The following CLDN10 variants were observed in gnomAD, a reference collection of about 807,000 sequenced individuals.
CLDN10 encodes the protein claudin 10.
A neutral mutation model predicts 22.9 loss-of-function variants in CLDN10; 15 were observed. The ratio of observed to expected loss-of-function variants is 0.65; its 90% confidence interval spans 0.44 to 1.01. CLDN10 has a LOEUF of 1.01. Ranked by LOEUF, CLDN10 falls within the 50% of genes least tolerant of loss-of-function variation. The probability of loss-of-function intolerance (pLI) is 0.00; values close to 1 mark genes in which losing one functional copy is unlikely to be tolerated. For synonymous variants in CLDN10, 114 were observed against 111.4 expected, an observed-to-expected ratio of 1.02 and a Z score of -0.15; for missense variants, 247 against 287.8, an observed-to-expected ratio of 0.86 and a Z score of 1.03.
At chr13:95,500,948 C>T (rs1015267056) in intron 1 of CLDN10, among the ~76,000 whole-genome samples, 2 of 152,058 alleles carry the variant, frequency 1.3e-5, no homozygotes, top group Non-Finnish European at 2.9e-5. Context: ...GAGGGCGCGG[C>T]ATGTAAGGGA....
intron 1 of CLDN10, among the ~76,000 whole-genome samples, chr13:95,495,701 G>A (rs1169289126): frequency 2.9e-5 from 4 of 138,822 alleles, no homozygotes; most frequent in Non-Finnish European, 6.1e-5. Context: ...CCGAGATTGC[G>A]CCACTGCACT....
At position 95,446,855 on chromosome 13, in the gene CLDN10, A is replaced by C. The variant is rs1249768902; in HGVS notation, c.214+12808A>C. Among the ~76,000 whole-genome samples, 6 of 152,218 alleles carry C rather than the reference A, an allele frequency of 3.9e-5. No individual in the cohort carries two copies. The East Asian group carries it at 1.2e-3, about 29-fold the overall frequency. ...AGACTCTGTCTCAAAAAAAAAAAGA[A>C]TTAATATAATTAATATAAGAAACAC... On this transcript the variant is annotated intron_variant, in intron 1 of 4. Transcript: ENST00000376873.
At chr13:95,561,991 G>C (rs1455866360) in intron 3 of CLDN10, among the ~76,000 whole-genome samples, 1 of 150,640 alleles carries the variant, frequency 6.6e-6, no homozygotes, top group Non-Finnish European at 1.5e-5. Context: ...GTGCAGTGGT[G>C]CGATCTCGAC....
intron 1 of CLDN10, among the ~76,000 whole-genome samples, chr13:95,487,229 A>G (rs1419184048): frequency 6.6e-6 from 1 of 152,230 alleles, no homozygotes; most frequent in African/African-American, 2.4e-5. Context: ...AAGTTTCCCA[A>G]GAAGACTATC....
At chr13:95,491,636 A>C (rs769395721) in intron 1 of CLDN10, among the ~76,000 whole-genome samples, 3 of 151,986 alleles carry the variant, frequency 2.0e-5, no homozygotes, top group Non-Finnish European at 4.4e-5. Context: ...GATTAGCTTA[A>C]TAACTAACCT....
chr13:95,518,654 G>A (rs1384593098), intron 1 of CLDN10, among the ~76,000 whole-genome samples: 29 of 152,102 alleles, frequency 1.9e-4, no homozygotes, highest in Non-Finnish European at 8.8e-5. Flanking sequence ...AGCTATTCAG[G>A]AGGTTGAGAC....
chr13:95,534,151 G>C (rs1483508836), intron 1 of CLDN10, among the ~76,000 whole-genome samples: 1 of 152,104 alleles, frequency 6.6e-6, no homozygotes, highest in Non-Finnish European at 1.5e-5. Flanking sequence ...AAAAAGAATT[G>C]TATTTCCTTT....
rs1045820453 is a variant in CLDN10, at chr13:95,449,836, C to T, written c.214+15789C>T. ...TCCGCTCACTGCAAGCTCCGCCTCC[C>T]GGGTTCACGCCATTCCCCTGCCTCA... On this transcript the variant is annotated intron_variant, in intron 1 of 4. Transcript: ENST00000376873. 7.9e-5 allele frequency among the ~76,000 whole-genome samples: 12 copies of T among 151,970 alleles called. No individual in the cohort carries two copies. The South Asian group carries it at 8.3e-4, about 11-fold the overall frequency.
At chr13:95,469,968 C>G (rs2042614924) in intron 1 of CLDN10, among the ~76,000 whole-genome samples, 2 of 152,186 alleles carry the variant, frequency 1.3e-5, no homozygotes, top group African/African-American at 4.8e-5. Flanking sequence ...ATTTTTAAAA[C>G]AATACAACAG....
At chr13:95,537,191 G>T (rs1217144512) in intron 1 of CLDN10, among the ~76,000 whole-genome samples, 1 of 152,194 alleles carries the variant, frequency 6.6e-6, no homozygotes, top group Admixed American at 6.5e-5. Context: ...ATTTTAGGAT[G>T]TATTTCCATT....
intron 1 of CLDN10, among the ~76,000 whole-genome samples, chr13:95,510,484 T>C (rs962695135): frequency 1.1e-4 from 16 of 152,332 alleles, no homozygotes; most frequent in African/African-American, 3.8e-4. Context: ...CTGTTTGTTT[T>C]CTGTTTTCCC....
In CLDN10 at chr13:95,578,187, AATC is replaced by A. The variant is rs1048021850; in HGVS notation, c.*176_*178del. The A allele has an allele frequency of 7.1e-6, 3 of 421,794 alleles. No individual in the cohort carries two copies. The highest frequency in any genetic ancestry group is 3.3e-4 in the Middle Eastern group (1 of 3,076). 26.1% of individuals were successfully genotyped at this position (421,794 alleles called of 1,614,324 possible). On this transcript the variant is annotated 3_prime_UTR_variant, in exon 5 of 5. Coordinates refer to ENST00000299339, the MANE Select transcript of CLDN10 (RefSeq NM_006984.5). ...GTTCTTACATAGTTAGTTATATACT[AATC>A]ATTTTCTGTTGTGGCTTTCTATAAA...
At chr13:95,526,387 C>CCGT (rs1431139894) in intron 1 of CLDN10, among the ~76,000 whole-genome samples, 49 of 152,216 alleles carry the variant, frequency 3.2e-4, no homozygotes, top group Admixed American at 3.0e-3. Flanking sequence ...ACGGACTTGT[C>CCGT]CACTGAGAAG....
intron 1 of CLDN10, among the ~76,000 whole-genome samples, chr13:95,468,219 TTTTG>T (rs144985723): frequency 0.29 from 44,040 of 151,236 alleles, 7,696 homozygotes; most frequent in Non-Finnish European, 0.39. Context: ...TTCTTCCTGT[TTTTG>T]TTTGTTTGTT....
chr13:95,474,550 C>T (rs2139106381), intron 1 of CLDN10, among the ~76,000 whole-genome samples: 1 of 152,300 alleles, frequency 6.6e-6, no homozygotes, highest in African/African-American at 2.4e-5. Context: ...GAAATAGGCC[C>T]ACCTCAGTCA....
chr13:95,452,998 C>A (rs182736023), intron 1 of CLDN10, among the ~76,000 whole-genome samples: 1 of 152,308 alleles, frequency 6.6e-6, no homozygotes, highest in Admixed American at 6.5e-5. Context: ...TTATTATTAA[C>A]TTCAATGTAC....
intron 1 of CLDN10, among the ~76,000 whole-genome samples, chr13:95,529,612 T>C (rs2043319633): frequency 6.6e-6 from 1 of 152,146 alleles, no homozygotes; most frequent in African/African-American, 2.4e-5. Context: ...CTTCATGAGG[T>C]AGTATTCATA....
At chr13:95,505,630 G>C (rs963523649) in intron 1 of CLDN10, among the ~76,000 whole-genome samples, 8 of 152,166 alleles carry the variant, frequency 5.3e-5, no homozygotes, top group African/African-American at 1.9e-4. Context: ...TGCCATAACA[G>C]GTAAAATGAA....
intron 1 of CLDN10, among the ~76,000 whole-genome samples, chr13:95,496,468 T>A (rs1342409069): frequency 6.6e-6 from 1 of 152,234 alleles, no homozygotes. Flanking sequence ...TAAAAAGCAC[T>A]ACCCCTTGTC....
Sources: gnomAD v4.1 joint callset for allele counts (sites outside exome capture counted in the v4.1 genomes callset) on GRCh38, gnomAD v4.1.1 for gene constraint, MANE v1.5 for transcripts, NCBI Gene and HGNC (gene_info 2026-07-23, HGNC 2026-07-21) for gene names.